Variants in LRP1B observed in about 807,000 individuals in gnomAD.
LRP1B encodes LDL receptor related protein 1B.
A neutral mutation model predicts 556.6 loss-of-function variants in LRP1B; 217 were observed. The ratio of observed to expected loss-of-function variants is 0.39; its 90% confidence interval spans 0.35 to 0.44. LRP1B has a LOEUF of 0.44. Ranked by LOEUF, LRP1B falls within the 20% of genes least tolerant of loss-of-function variation. The pLI is 1.00. For synonymous variants in LRP1B, 2,047 were observed against 1,865.8 expected, an observed-to-expected ratio of 1.10 and a Z score of -2.50; for missense variants, 5,053 against 5,620.8, an observed-to-expected ratio of 0.90 and a Z score of 3.23.
At position 140,494,606 on chromosome 2, in the gene LRP1B, CAA is replaced by C. The variant is rs77006034; in HGVS notation, c.9034+957_9034+958del. Among the ~76,000 whole-genome samples the C allele has an allele frequency of 3.8e-3, 246 of 64,132 alleles. 2 individuals are homozygous for C. In the East Asian group the frequency reaches 0.042, roughly 11 times the overall value. 42.1% of individuals were successfully genotyped at this position (64,132 alleles called of 152,430 possible). A position where few individuals can be genotyped will look rare whatever the true frequency, so the allele number is the denominator to read the frequency against. On this transcript the variant is annotated intron_variant, in intron 56 of 90. Transcript: ENST00000389484. ...TGGGTGACAGAGCGAGACTCCGTCT[CAA>C]AAAAAAAAAAAAAAAAAAAAATTGT...
chr2:140,700,551 T>A lies in LRP1B; in HGVS notation c.6498A>T (p.Arg2166Ser), dbSNP rs1303383268. The part of the protein sequence containing the change: ...QLCLYRGNSR[R>S]TCACAHGYLA... ...AATATCCATGGGCACAAGCACAAGT[T>A]CTCCGGGAATTTCCTCGATAAAGAC... The change falls in exon 41 of 91, where the codon AGA (arginine) becomes AGT (serine). Residue 2166 changes from arginine (R) to serine (S), a missense_variant. Arg to Ser is a moderately radical substitution (Grantham distance 110, BLOSUM62 -1). Coordinates refer to ENST00000389484, the MANE Select transcript of LRP1B (RefSeq NM_018557.3). 6.2e-7 allele frequency: 1 copy of A among 1,613,580 alleles called. No individual in the cohort carries two copies. Among genetic ancestry groups the A allele is most frequent in the African/African-American group, 1.3e-5 (1 of 74,996 alleles).
At chr2:141,498,918 C>T (rs1217301200) in intron 2 of LRP1B, among the ~76,000 whole-genome samples, 4 of 152,030 alleles carry the variant, frequency 2.6e-5, no homozygotes, top group African/African-American at 2.4e-5. Context: ...AGGCAAATAA[C>T]GACACCCAAT....
intron 3 of LRP1B, among the ~76,000 whole-genome samples, chr2:141,332,856 G>T (rs774820612): frequency 6.7e-6 from 1 of 149,950 alleles, no homozygotes; most frequent in Non-Finnish European, 1.5e-5. Context: ...TAATCACCAA[G>T]TCACAGTAAA....
chr2:140,277,890 A>G lies in LRP1B; in HGVS notation c.12968-3292T>C, dbSNP rs116728164. Among the ~76,000 whole-genome samples, 648 of 152,034 alleles carry G rather than the reference A, an allele frequency of 4.3e-3. 3 individuals are homozygous for G. The highest frequency in any genetic ancestry group is 0.014 in the African/African-American group (597 of 41,516). Reference sequence around the variant, plus strand: ...ACTTCCACTATTAACATATACCCAAAAGAAAAGCATGCACATGTATGTCAA... The same window carrying G: ...ACTTCCACTATTAACATATACCCAAGAGAAAAGCATGCACATGTATGTCAA... On this transcript the variant is annotated intron_variant, in intron 84 of 90. Transcript: ENST00000389484.
Position 140,541,055 on chromosome 2 carries a change from G to C in LRP1B, c.7431C>G (p.Asp2477Glu), listed in dbSNP as rs2105017106. 6.2e-7 allele frequency: 1 copy of C among 1,611,358 alleles called. No individual in the cohort carries two copies. The highest frequency in any genetic ancestry group is 8.5e-7 in the Non-Finnish European group (1 of 1,178,074). ...TCCCATTGGGAGTTAAAAGGCACAA[G>C]TCATGGCAGCCTCCATTCAATAATG... ...PCALLNGGCH[D>E]LCLLTPNGRV... is the part of the protein sequence containing the mutation. Residue 2477 changes from aspartate to glutamate, a missense_variant, in exon 45 of 91, where the codon GAC becomes GAG. Asp to Glu is a conservative substitution (Grantham distance 45, BLOSUM62 2). Coordinates refer to ENST00000389484, the MANE Select transcript of LRP1B (RefSeq NM_018557.3).
intron 3 of LRP1B, among the ~76,000 whole-genome samples, chr2:141,327,971 A>G (rs1687491417): frequency 1.3e-5 from 2 of 152,292 alleles, no homozygotes; most frequent in South Asian, 4.1e-4. Flanking sequence ...ATGTTTATTT[A>G]TATTCAGGTT....
intron 7 of LRP1B, among the ~76,000 whole-genome samples, chr2:141,088,110 T>C (rs3845640): frequency 6.6e-6 from 1 of 151,876 alleles, no homozygotes; most frequent in African/African-American, 2.4e-5. Context: ...CATGTTTACA[T>C]AGATGGGAAT....
At chr2:140,515,852 G>A (rs1689873696) in intron 50 of LRP1B, among the ~76,000 whole-genome samples, 1 of 151,898 alleles carries the variant, frequency 6.6e-6, no homozygotes, top group Non-Finnish European at 1.5e-5. Flanking sequence ...TTACTTTTAG[G>A]AGAGTTTGAC....
chr2:140,964,316 G>A (rs1205457917), intron 18 of LRP1B, among the ~76,000 whole-genome samples: 3 of 152,284 alleles, frequency 2.0e-5, no homozygotes, highest in Middle Eastern at 6.8e-3. Context: ...CAGGGAGACA[G>A]GCCTCCGGAT....
intron 2 of LRP1B, among the ~76,000 whole-genome samples, chr2:141,490,930 GTTTTTTTTTT>G (rs67482957): frequency 7.4e-6 from 1 of 135,748 alleles, no homozygotes; most frequent in Non-Finnish European, 1.6e-5. Flanking sequence ...AGGTTAAAAT[GTTTTTTTTTT>G]TTTTTTTTTT....
chr2:141,948,941 A>C (rs886868936), intron 1 of LRP1B, among the ~76,000 whole-genome samples: 1 of 152,112 alleles, frequency 6.6e-6, no homozygotes, highest in Non-Finnish European at 1.5e-5. Flanking sequence ...TGGAAAAAAT[A>C]AAAGTATAAA....
intron 5 of LRP1B, among the ~76,000 whole-genome samples, chr2:141,240,890 G>C (rs773228728): frequency 2.0e-5 from 3 of 152,018 alleles, no homozygotes; most frequent in Non-Finnish European, 4.4e-5. Context: ...CTTAGACTAA[G>C]GGTAAATGAA....
intron 25 of LRP1B, among the ~76,000 whole-genome samples, chr2:140,873,726 T>C (rs542459541): frequency 6.6e-6 from 1 of 152,074 alleles, no homozygotes; most frequent in South Asian, 2.1e-4. Context: ...ATTTAGATCC[T>C]AAAGTTATAT....
intron 18 of LRP1B, among the ~76,000 whole-genome samples, chr2:140,955,438 G>C (rs1695844300): frequency 6.6e-6 from 1 of 151,582 alleles, no homozygotes; most frequent in Admixed American, 6.6e-5. Context: ...CTTTGACTTT[G>C]GATACAAATT....
intron 1 of LRP1B, among the ~76,000 whole-genome samples, chr2:141,920,655 TTA>T (rs1700161532): frequency 6.6e-6 from 1 of 152,012 alleles, no homozygotes; most frequent in African/African-American, 2.4e-5. Flanking sequence ...TATAGGCTCT[TTA>T]TGTTTGTCCC....
At chr2:141,098,720 C>G (rs1488510013) in intron 7 of LRP1B, among the ~76,000 whole-genome samples, 1 of 152,152 alleles carries the variant, frequency 6.6e-6, no homozygotes, top group Non-Finnish European at 1.5e-5. Context: ...TGCGATGGCA[C>G]GATCTTGGCT....
chr2:141,825,910 C>T (rs555906591), intron 1 of LRP1B, among the ~76,000 whole-genome samples: 1 of 152,126 alleles, frequency 6.6e-6, no homozygotes, highest in Admixed American at 6.5e-5. Context: ...CACATTATAC[C>T]AATGCTTGTT....
chr2:140,958,723 G>A (rs527272381), intron 18 of LRP1B, among the ~76,000 whole-genome samples: 17 of 151,608 alleles, frequency 1.1e-4, no homozygotes, highest in South Asian at 4.2e-4. Context: ...CATAAACACC[G>A]TAGTGAAACA....
At chr2:140,725,178 C>A (rs1687548284) in intron 35 of LRP1B, among the ~76,000 whole-genome samples, 1 of 152,156 alleles carries the variant, frequency 6.6e-6, no homozygotes, top group Non-Finnish European at 1.5e-5. Flanking sequence ...AAACCACCAT[C>A]TTCTACCTTT....
Sources: allele counts gnomAD v4.1 joint callset (sites outside exome capture counted in the v4.1 genomes callset), GRCh38; gene constraint gnomAD v4.1.1; transcripts MANE v1.5; gene names NCBI Gene and HGNC (gene_info 2026-07-23, HGNC 2026-07-21).